The following SDK2 variants were observed in gnomAD, a reference collection of about 807,000 sequenced individuals.
SDK2 encodes the protein protein sidekick-2.
Under a neutral mutation model 253.9 loss-of-function variants are expected in SDK2, and 105 were observed. The ratio of observed to expected loss-of-function variants is 0.41; its 90% CI spans 0.35 to 0.49. SDK2 has a LOEUF of 0.49. Among genes scored for constraint, SDK2 ranks in the 20% least tolerant of loss-of-function variants. The pLI, the probability that SDK2 is intolerant of heterozygous loss-of-function variation, is 0.06. For synonymous variants in SDK2, 1,249 were observed against 1,234.9 expected (o/e 1.01, Z -0.24); for missense variants, 2,608 against 3,003.0 (o/e 0.87, Z 3.07).
rs905737636 is a variant in SDK2, at chr17:73,643,634, A to T, written c.64+391T>A. 2.0e-5 allele frequency among the ~76,000 whole-genome samples: 3 copies of T among 152,008 alleles called. No homozygotes were observed. Among genetic ancestry groups the T allele is most frequent in the African/African-American group, 7.2e-5 (3 of 41,400 alleles). ...CTGCCCTTCCCCGCAGACACCGAGC[A>T]GGGAACCAGGAGCTCGGTCTGGGAA... On this transcript the variant is annotated intron_variant, in intron 1 of 44. Transcript: ENST00000392650. The surrounding 1 kb of genome is among the most constrained non-coding windows in gnomAD (Gnocchi z 6.9).
chr17:73,484,236 A>G (rs941421857), intron 2 of SDK2, among the ~76,000 whole-genome samples: 5 of 152,180 alleles, frequency 3.3e-5, no homozygotes, highest in Admixed American at 1.3e-4. Flanking sequence ...TCAGAAAGAA[A>G]CCAAATTAAG....
Position 73,491,154 on chromosome 17 carries a change from C to T in SDK2, c.224+16284G>A, listed in dbSNP as rs200135957. On this transcript the variant is annotated intron_variant, in intron 2 of 44. Coordinates refer to ENST00000392650, the MANE Select transcript of SDK2 (RefSeq NM_001144952.2). The stretch of plus-strand genomic sequence containing the variant: ...GGCAATCTTTAAGAGTTAGCTGTTG[C>T]CATTATTATTAATGTTATTACTACT... Among the ~76,000 whole-genome samples, 5 of 152,222 alleles carry T rather than the reference C, an allele frequency of 3.3e-5. No individual in the cohort carries two copies. In the East Asian group the frequency reaches 7.7e-4, roughly 24 times the overall value.
At chr17:73,484,045 A>G (rs2063755316) in intron 2 of SDK2, among the ~76,000 whole-genome samples, 1 of 152,202 alleles carries the variant, frequency 6.6e-6, no homozygotes, top group African/African-American at 2.4e-5. Flanking sequence ...TGAAAGGAGC[A>G]TCTCCTCTCA....
At chr17:73,581,655 A>AG (rs1293958106) in intron 1 of SDK2, among the ~76,000 whole-genome samples, 1 of 152,228 alleles carries the variant, frequency 6.6e-6, no homozygotes, top group Non-Finnish European at 1.5e-5. Flanking sequence ...CCATGGCAGG[A>AG]GGCAACACTC....
intron 4 of SDK2, among the ~76,000 whole-genome samples, chr17:73,449,870 C>T (rs932511305): frequency 1.3e-5 from 2 of 152,132 alleles, no homozygotes; most frequent in East Asian, 3.9e-4. Flanking sequence ...TTGCGGCCAG[C>T]CGAGGTCGCA....
chr17:73,498,111 G>C (rs2063857563), intron 2 of SDK2, among the ~76,000 whole-genome samples: 1 of 152,188 alleles, frequency 6.6e-6, no homozygotes, highest in Non-Finnish European at 1.5e-5. Flanking sequence ...TCTACACATG[G>C]GGGCCAGGAT....
At chr17:73,456,275 G>A (rs1201321072) in intron 3 of SDK2, among the ~76,000 whole-genome samples, 2 of 152,072 alleles carry the variant, frequency 1.3e-5, no homozygotes, top group African/African-American at 4.8e-5. Context: ...TCCTTCAATC[G>A]GCCAGTTCGT....
intron 1 of SDK2, among the ~76,000 whole-genome samples, chr17:73,542,053 AG>A (rs1170112447): frequency 6.6e-6 from 1 of 152,216 alleles, no homozygotes; most frequent in African/African-American, 2.4e-5. Context: ...CCAACTGCCA[AG>A]TGTCATACAA....
intron 3 of SDK2, among the ~76,000 whole-genome samples, chr17:73,468,078 G>C (rs970942907): frequency 6.6e-5 from 10 of 152,204 alleles, no homozygotes. Flanking sequence ...CTGGGGCTTT[G>C]AGGGGGCTGC....
At chr17:73,425,672 T>C (rs1342464966) in intron 12 of SDK2, among the ~76,000 whole-genome samples, 5 of 152,056 alleles carry the variant, frequency 3.3e-5, no homozygotes, top group Non-Finnish European at 5.9e-5. Flanking sequence ...CACGCCCGAC[T>C]AATTTTGTAT....
chr17:73,558,965 G>A (rs576802440), intron 1 of SDK2, among the ~76,000 whole-genome samples: 7 of 152,190 alleles, frequency 4.6e-5, no homozygotes, highest in African/African-American at 9.7e-5. Context: ...CTCCCAGGAC[G>A]TGGCCTCATT....
chr17:73,413,206 T>C (rs1305666853), intron 18 of SDK2, among the ~76,000 whole-genome samples: 1 of 151,940 alleles, frequency 6.6e-6, no homozygotes, highest in Non-Finnish European at 1.5e-5. Context: ...CACAGGAGCG[T>C]GAACCCTGCT....
Position 73,375,023 on chromosome 17 carries a change from G to T in SDK2, c.4980+4154C>A, listed in dbSNP as rs983720975. On this transcript the variant is annotated intron_variant, in intron 36 of 44. Coordinates refer to ENST00000392650, the MANE Select transcript of SDK2 (RefSeq NM_001144952.2). ...GCCAAAGCCCCGAAGGACCCCAGGT[G>T]CTCCAGCCCCGGCTTTCCCATCTCC... is the stretch of plus-strand genomic sequence containing the variant. Among the ~76,000 whole-genome samples the T allele has an allele frequency of 4.6e-5, 7 of 152,156 alleles. No individual in the cohort carries two copies. In the East Asian group the frequency reaches 1.2e-3, roughly 25 times the overall value.
intron 44 of SDK2, among the ~76,000 whole-genome samples, chr17:73,345,345 A>G (rs766520876): frequency 3.3e-5 from 5 of 152,116 alleles, no homozygotes; most frequent in African/African-American, 7.2e-5. Flanking sequence ...AAAAAGAGAA[A>G]GACTTTTGTT....
At position 73,435,391 on chromosome 17, in the gene SDK2, A is replaced by C. The variant is rs2063358857; in HGVS notation, c.1195+59T>G. Reference sequence around the variant, plus strand: ...AAGAGGCCCCTCGGAAGACCTTGGAAGAAAGCTGCGTCCTGGGAAGAGGGG... The same window carrying C: ...AAGAGGCCCCTCGGAAGACCTTGGACGAAAGCTGCGTCCTGGGAAGAGGGG... On this transcript the variant is annotated intron_variant, in intron 9 of 44. Transcript: ENST00000392650. This position sits in a 1 kb window ranked among gnomAD's most constrained non-coding sequence, Gnocchi z 5.7. 14 of 1,483,984 alleles carry C rather than the reference A, an allele frequency of 9.4e-6. No homozygotes were observed. The highest frequency in any genetic ancestry group is 1.2e-5 in the Non-Finnish European group (13 of 1,101,818). 91.9% of individuals were successfully genotyped at this position (1,483,984 alleles called of 1,614,324 possible). A position where few individuals can be genotyped will look rare whatever the true frequency, so the allele number is the denominator to read the frequency against.
At chr17:73,613,790 G>A (rs1342074909) in intron 1 of SDK2, among the ~76,000 whole-genome samples, 1 of 151,038 alleles carries the variant, frequency 6.6e-6, no homozygotes, top group African/African-American at 2.4e-5. Context: ...GCGATGAGGA[G>A]GGGGACAGGG....
chr17:73,406,492 T>C (rs1283014975), intron 18 of SDK2, among the ~76,000 whole-genome samples: 1 of 151,570 alleles, frequency 6.6e-6, no homozygotes, highest in African/African-American at 2.4e-5. Flanking sequence ...TCAAATGATC[T>C]GCCCGCCTCG....
intron 1 of SDK2, among the ~76,000 whole-genome samples, chr17:73,633,709 T>C (rs1286653349): frequency 6.6e-6 from 1 of 152,094 alleles, no homozygotes; most frequent in Non-Finnish European, 1.5e-5. Context: ...AGTTCACAAT[T>C]AAAGAAATCA....
intron 2 of SDK2, among the ~76,000 whole-genome samples, chr17:73,504,631 C>CAAAAA (rs146981971): frequency 8.5e-5 from 4 of 47,014 alleles, no homozygotes; most frequent in African/African-American, 2.1e-4. Flanking sequence ...GACTCTGTCT[C>CAAAAA]AAAAAAAAAA....
Sources: allele counts gnomAD v4.1 joint callset (sites outside exome capture counted in the v4.1 genomes callset), GRCh38; gene constraint gnomAD v4.1.1; non-coding constraint Gnocchi (gnomAD v3.1); transcripts MANE v1.5; gene names NCBI Gene and HGNC (gene_info 2026-07-23, HGNC 2026-07-21).